The following ZFP2 variants were observed in gnomAD, a reference collection of about 807,000 sequenced individuals.
ZFP2 encodes zinc finger protein ZFP2.
In ZFP2, 33 loss-of-function variants were observed where a neutral mutation model predicts 36.1. That is an observed-to-expected ratio of 0.92 (90% CI 0.69 to 1.22). The LOEUF (loss-of-function observed/expected upper bound fraction) is 1.22, where lower values mean the gene tolerates loss of function less well. Ranked by LOEUF, ZFP2 falls within the 50% of genes most tolerant of loss-of-function variation. The probability of loss-of-function intolerance (pLI) is 0.00; values close to 1 mark genes in which losing one functional copy is unlikely to be tolerated. For synonymous variants in ZFP2, 170 were observed against 178.0 expected, an observed-to-expected ratio of 0.96 and a Z score of 0.36; for missense variants, 522 against 551.4, an observed-to-expected ratio of 0.95 and a Z score of 0.53.
Position 178,931,944 on chromosome 5 carries a change from G to C in ZFP2, c.631G>C (p.Glu211Gln), listed in dbSNP as rs768620286. The change falls in exon 5 of 5, where the codon GAG (glutamate) becomes CAG (glutamine). Residue 211 changes from glutamate (E) to glutamine (Q), a missense_variant. Glu to Gln is a conservative substitution (Grantham distance 29, BLOSUM62 2). Transcript: ENST00000361362. ...LIQHERIHTG[E>Q]KPYKCNECGK... ...TCAGCATGAAAGGATTCATACTGGA[G>C]AGAAACCCTACAAATGTAATGAATG... 3 of 1,613,940 alleles carry C rather than the reference G, an allele frequency of 1.9e-6. No homozygotes were observed. The African/African-American group carries it at 4.0e-5, about 22-fold the overall frequency.
chr5:178,899,639 G>A (rs1758005258), intron 1 of ZFP2, among the ~76,000 whole-genome samples: 1 of 152,138 alleles, frequency 6.6e-6, no homozygotes, highest in Non-Finnish European at 1.5e-5. Context: ...TGATAAGGGA[G>A]TTCGCACAAT....
At chr5:178,907,548 T>C (rs1758192083) in intron 1 of ZFP2, among the ~76,000 whole-genome samples, 2 of 151,892 alleles carry the variant, frequency 1.3e-5, no homozygotes, top group Admixed American at 6.6e-5. Context: ...TACTTTGATA[T>C]TTGTTTGGCA....
intron 4 of ZFP2, among the ~76,000 whole-genome samples, chr5:178,917,546 T>C (rs564401793): frequency 6.6e-6 from 1 of 151,052 alleles, no homozygotes; most frequent in South Asian, 2.1e-4. Flanking sequence ...ACCCGGGAGG[T>C]GGAAGTTGCA....
At chr5:178,930,548 T>C (rs149611972) in intron 4 of ZFP2, among the ~76,000 whole-genome samples, 23 of 152,228 alleles carry the variant, frequency 1.5e-4, no homozygotes, top group African/African-American at 5.1e-4. Flanking sequence ...CTTGAACTCC[T>C]GACCTCAAGT....
At chr5:178,910,456 A>C (rs1173135699) in intron 1 of ZFP2, 4 of 713,692 alleles carry the variant, frequency 5.6e-6, no homozygotes, top group South Asian at 4.4e-5. Flanking sequence ...TGACAAGGCT[A>C]TCTCTACTTG....
Position 178,925,063 on chromosome 5 carries a change from A to G in ZFP2, c.-77-6174A>G, listed in dbSNP as rs1478625467. The stretch of plus-strand genomic sequence containing the variant: ...GCCATTTATCATTGAATCTCTAAAC[A>G]ATATATCTGGTTTTGGTCTGTTTTA... On this transcript the variant is annotated intron_variant, in intron 4 of 4. Transcript: ENST00000361362. 1.4e-5 allele frequency among the ~76,000 whole-genome samples: 2 copies of G among 145,080 alleles called. 1 individual carries two copies. The highest frequency in any genetic ancestry group is 3.1e-5 in the Non-Finnish European group (2 of 65,226).
rs1344005537 is a variant in ZFP2, at chr5:178,932,315, T to G, written c.1002T>G (p.Ala334=). 1 of 1,613,912 alleles carries G rather than the reference T, an allele frequency of 6.2e-7. No homozygotes were observed. The highest frequency in any genetic ancestry group is 1.3e-5 in the African/African-American group (1 of 74,862). Reference sequence around the variant, plus strand: ...TTGAATGTAACGAGTGTGGAAAAGCTTTCAGTAAGAATTCATCTCTAACTC... The same window carrying G: ...TTGAATGTAACGAGTGTGGAAAAGCGTTCAGTAAGAATTCATCTCTAACTC... The part of the protein sequence containing the change: ...KPFECNECGK[A]FSKNSSLTQH... The change falls in exon 5 of 5, where the codon GCT becomes GCG. Residue 334 remains alanine (A), a synonymous_variant. Transcript: ENST00000361362.
At chr5:178,901,090 G>T (rs925869290) in intron 1 of ZFP2, among the ~76,000 whole-genome samples, 9 of 152,138 alleles carry the variant, frequency 5.9e-5, no homozygotes, top group African/African-American at 2.2e-4. Flanking sequence ...ATTTCAAGTT[G>T]TTTCCTGTTT....
rs140261135 is a variant in ZFP2 at position 178,909,273 on chromosome 5, C to T, written c.-449-3311C>T. On this transcript the variant is annotated intron_variant, in intron 1 of 4. Transcript: ENST00000361362. The stretch of plus-strand genomic sequence containing the variant: ...TCCCAGGCTCATAGTTCGATTGTAT[C>T]GTAAACTAGAAGAACGTGTTTCCCA... Among the ~76,000 whole-genome samples the T allele has an allele frequency of 1.2e-3, 176 of 152,280 alleles. 2 individuals are homozygous for T. Among genetic ancestry groups the T allele is most frequent in the African/African-American group, 4.1e-3 (169 of 41,558 alleles).
chr5:178,909,196 C>T (rs528094928), intron 1 of ZFP2, among the ~76,000 whole-genome samples: 1 of 152,058 alleles, frequency 6.6e-6, no homozygotes, highest in Admixed American at 6.5e-5. Context: ...GCGTAAAACC[C>T]CTCGTGGCCT....
intron 1 of ZFP2, among the ~76,000 whole-genome samples, chr5:178,899,448 G>A (rs1758002164): frequency 6.6e-6 from 1 of 152,168 alleles, no homozygotes; most frequent in East Asian, 1.9e-4. Flanking sequence ...TATCATCCCA[G>A]CCAAGAGCCT....
intron 4 of ZFP2, among the ~76,000 whole-genome samples, chr5:178,924,113 C>T (rs1269732933): frequency 6.7e-6 from 1 of 149,086 alleles, no homozygotes; most frequent in African/African-American, 2.4e-5. Flanking sequence ...GTGGCTCATG[C>T]CTGTAATCCC....
rs879162746 is a variant in ZFP2, at chr5:178,922,574, C to T, written c.-78+5864C>T. 2.9e-5 allele frequency: 44 copies of T among 1,519,314 alleles called. 2 individuals carry two copies. In the South Asian group the frequency reaches 3.4e-4, roughly 12 times the overall value. 94.1% of individuals were successfully genotyped at this position (1,519,314 alleles called of 1,614,324 possible). A position where few individuals can be genotyped will look rare whatever the true frequency, so the allele number is the denominator to read the frequency against. On this transcript the variant is annotated intron_variant, in intron 4 of 4. Coordinates refer to ENST00000361362, the MANE Select transcript of ZFP2 (RefSeq NM_030613.4). Reference sequence around the variant, plus strand: ...TTTTGTAGGAGCATGGCTTGGAGCACGTCCTATTCCTTGACAGGGCAAGAG... The same window carrying T: ...TTTTGTAGGAGCATGGCTTGGAGCATGTCCTATTCCTTGACAGGGCAAGAG...
chr5:178,911,619 T>C (rs1479465482), intron 1 of ZFP2, among the ~76,000 whole-genome samples: 1 of 152,144 alleles, frequency 6.6e-6, no homozygotes, highest in Non-Finnish European at 1.5e-5. Flanking sequence ...AGGAGTTAAG[T>C]TTTGGGGGAG....
intron 4 of ZFP2, among the ~76,000 whole-genome samples, chr5:178,929,939 C>CGGT (rs1561685762): frequency 1.0e-5 from 1 of 98,830 alleles, no homozygotes; most frequent in Non-Finnish European, 2.5e-5. Context: ...ATCTGCTTGA[C>CGGT]GGTGGGGGGG....
At chr5:178,896,018 C>T (rs1248111066) in intron 1 of ZFP2, 44 bp downstream of exon 1, 1 of 152,360 alleles carries the variant, frequency 6.6e-6, no homozygotes, top group African/African-American at 2.4e-5. Context: ...ATCCGTGAGT[C>T]TTGTAGGCCC....
At chr5:178,896,345 C>T (rs765246655) in intron 1 of ZFP2, among the ~76,000 whole-genome samples, 2 of 152,234 alleles carry the variant, frequency 1.3e-5, no homozygotes, top group Non-Finnish European at 2.9e-5. Context: ...CGCTCGGACC[C>T]GGGTTCCTCC....
In ZFP2 at chr5:178,931,666, T is replaced by G. The variant is rs756876525; in HGVS notation, c.353T>G (p.Leu118Arg). 1 of 1,614,036 alleles carries G rather than the reference T, an allele frequency of 6.2e-7. No homozygotes were observed. The highest frequency in any genetic ancestry group is 2.2e-5 in the East Asian group (1 of 44,896). ...SKTFSQSSSL[L>R]KHQRIHTGEK... ...ACCTTCAGTCAGAGCTCATCCCTTCTTAAGCACCAGAGGATTCATACTGGG... is the reference window on the plus strand; with the variant it reads ...ACCTTCAGTCAGAGCTCATCCCTTCGTAAGCACCAGAGGATTCATACTGGG... The change falls in exon 5 of 5, where the codon CTT (leucine) becomes CGT (arginine). Residue 118 changes from leucine (L) to arginine (R), a missense_variant. Coordinates refer to ENST00000361362, the MANE Select transcript of ZFP2 (RefSeq NM_030613.4).
chr5:178,923,503 A>G (rs1227351074), intron 4 of ZFP2, among the ~76,000 whole-genome samples: 1 of 149,648 alleles, frequency 6.7e-6, no homozygotes, highest in East Asian at 1.9e-4. Context: ...TAACTTCCCC[A>G]TTCATGTTTA....
Sources: allele counts gnomAD v4.1 joint callset (sites outside exome capture counted in the v4.1 genomes callset), GRCh38; gene constraint gnomAD v4.1.1; transcripts MANE v1.5; gene names NCBI Gene and HGNC (gene_info 2026-07-23, HGNC 2026-07-21).